CHRNA6: variants seen among roughly 807,000 people sequenced by gnomAD.
CHRNA6 encodes neuronal acetylcholine receptor subunit alpha-6.
In CHRNA6, 31 loss-of-function variants were observed where a neutral mutation model predicts 40.9. The observed-to-expected ratio is 0.76, with a 90% CI of 0.57 to 1.02. The LOEUF is 1.02. Ranked by LOEUF, CHRNA6 falls within the 50% of genes least tolerant of loss-of-function variation. CHRNA6 has a pLI of 0.00. For missense variants in CHRNA6, 546 were observed against 596.6 expected (o/e 0.92, Z 0.88); for synonymous variants, 222 against 221.3 (o/e 1.00, Z -0.03).
Position 42,756,529 on chromosome 8 carries a change from C to T in CHRNA6, c.670G>A (p.Glu224Lys). The T allele has an allele frequency of 6.2e-7, 1 of 1,614,004 alleles. No homozygotes were observed. Among genetic ancestry groups the T allele is most frequent in the Non-Finnish European group, 8.5e-7 (1 of 1,179,972 alleles). Residue 224 changes from glutamate (E) to lysine (K), a missense_variant, in exon 5 of 6, where the codon GAA becomes AAA. Physicochemically the swap from Glu to Lys is moderately conservative, Grantham distance 56 (BLOSUM62 1). Coordinates refer to ENST00000276410, the MANE Select transcript of CHRNA6 (RefSeq NM_004198.3). ...YKHDIKYNCCEEIYTDITYSF... is the reference protein window; with the variant it reads ...YKHDIKYNCCKEIYTDITYSF... ...TAGGTTATATCTGTGTATATCTCTTCACAACAGTTGTATTTGATGTCATGT... is the reference window on the plus strand; with the variant it reads ...TAGGTTATATCTGTGTATATCTCTTTACAACAGTTGTATTTGATGTCATGT...
At chr8:42,761,541 A>G (rs551597027) in intron 2 of CHRNA6, among the ~76,000 whole-genome samples, 173 of 151,898 alleles carry the variant, frequency 1.1e-3, no homozygotes, top group African/African-American at 4.1e-3. Context: ...GCAATAGCCA[A>G]CTCCACAGCC....
At position 42,767,294 on chromosome 8, in the gene CHRNA6, T is replaced by TG. The variant is rs572822996; in HGVS notation, c.79+1057dup. Among the ~76,000 whole-genome samples, 123 of 152,364 alleles carry TG rather than the reference T, an allele frequency of 8.1e-4. 1 individual carries two copies. The highest frequency in any genetic ancestry group is 2.9e-3 in the African/African-American group (119 of 41,598). On this transcript the variant is annotated intron_variant, in intron 1 of 5. Transcript: ENST00000276410. ...TTGAAACATTTTTAAAAGTTGAAAT[T>TG]GGTTCTTAAATAATAGCACTTTCAG...
chr8:42,753,912 C>A (rs1281204271), intron 5 of CHRNA6, among the ~76,000 whole-genome samples: 2 of 152,082 alleles, frequency 1.3e-5, no homozygotes, highest in African/African-American at 4.8e-5. Flanking sequence ...TCATTCTTTG[C>A]AACGGTGGGT....
At chr8:42,763,025 A>G (rs1018503445) in intron 2 of CHRNA6, among the ~76,000 whole-genome samples, 1 of 152,238 alleles carries the variant, frequency 6.6e-6, no homozygotes, top group Non-Finnish European at 1.5e-5. Flanking sequence ...GGAAAGCAGC[A>G]GCTCTTACGG....
At chr8:42,762,334 C>G (rs1403841259) in intron 2 of CHRNA6, among the ~76,000 whole-genome samples, 4 of 152,172 alleles carry the variant, frequency 2.6e-5, no homozygotes, top group Non-Finnish European at 5.9e-5. Flanking sequence ...GCTCAAATGT[C>G]CTTTAGCAAG....
At position 42,759,068 on chromosome 8, in the gene CHRNA6, C is replaced by T. The variant is rs777165676; in HGVS notation, c.264+1G>A. 11 of 1,611,592 alleles carry T rather than the reference C, an allele frequency of 6.8e-6. No homozygotes were observed. The highest frequency in any genetic ancestry group is 4.5e-5 in the East Asian group (2 of 44,882). ...AGCCAACACATGATATAGGCACATA[C>T]GTGACGCAGCCACAAATTGGTTTCC... is the stretch of plus-strand genomic sequence containing the variant. On this transcript the variant is annotated splice_donor_variant, in intron 3 of 5. Coordinates refer to ENST00000276410, the MANE Select transcript of CHRNA6 (RefSeq NM_004198.3). LOFTEE classifies it high-confidence loss of function.
At position 42,756,683 on chromosome 8, in the gene CHRNA6, A is replaced by G; in HGVS notation, c.516T>C (p.Cys172=). 1 of 1,614,182 alleles carries G rather than the reference A, an allele frequency of 6.2e-7. No individual in the cohort carries two copies. Among genetic ancestry groups the G allele is most frequent in the Non-Finnish European group, 8.5e-7 (1 of 1,180,028 alleles). ...ACGTCCAGGAACCAAATTTTAGGGA[A>G]CAGTTTTGATGATCAAAAGGGAAAA... The part of the protein sequence containing the change: ...ITFFPFDHQN[C]SLKFGSWTYD... The change falls in exon 5 of 6, where the codon TGT becomes TGC. Residue 172 remains cysteine (C), a synonymous_variant. Transcript: ENST00000276410.
chr8:42,761,552 T>G (rs1388103936), intron 2 of CHRNA6, among the ~76,000 whole-genome samples: 2 of 152,224 alleles, frequency 1.3e-5, no homozygotes, highest in African/African-American at 4.8e-5. Context: ...CTCCACAGCC[T>G]CACTTCCGCA....
chr8:42,763,794 G>C (rs1292122628), intron 2 of CHRNA6, among the ~76,000 whole-genome samples: 1 of 152,224 alleles, frequency 6.6e-6, no homozygotes, highest in African/African-American at 2.4e-5. Context: ...CACACTTTCA[G>C]CCTGGGTCAC....
At chr8:42,760,255 T>G (rs1563625372) in intron 2 of CHRNA6, among the ~76,000 whole-genome samples, 2 of 148,180 alleles carry the variant, frequency 1.3e-5, no homozygotes, top group Admixed American at 6.7e-5. Flanking sequence ...TCATGCACAC[T>G]CACACACTCA....
chr8:42,763,330 G>A (rs532835600), intron 2 of CHRNA6, among the ~76,000 whole-genome samples: 165 of 152,272 alleles, frequency 1.1e-3, no homozygotes, highest in Non-Finnish European at 1.9e-3. Context: ...CACTAACACC[G>A]TGAAACTGAC....
At chr8:42,766,229 A>G (rs1816973465) in intron 1 of CHRNA6, among the ~76,000 whole-genome samples, 1 of 152,220 alleles carries the variant, frequency 6.6e-6, no homozygotes, top group Non-Finnish European at 1.5e-5. Flanking sequence ...GCGGTGGCTC[A>G]CGCCTGTAAT....
At position 42,767,466 on chromosome 8, in the gene CHRNA6, T is replaced by A. The variant is rs573727412; in HGVS notation, c.79+886A>T. On this transcript the variant is annotated intron_variant, in intron 1 of 5. Transcript: ENST00000276410. ...TTCCTCACAGAATTTAAATTTGATA[T>A]CTAACATAGGACTCCACAAATTTCT... Among the ~76,000 whole-genome samples the A allele has an allele frequency of 2.6e-5, 4 of 152,254 alleles. No homozygotes were observed. The East Asian group carries it at 5.8e-4, about 22-fold the overall frequency.
At chr8:42,766,121 T>C (rs1316126334) in intron 1 of CHRNA6, among the ~76,000 whole-genome samples, 3 of 152,208 alleles carry the variant, frequency 2.0e-5, no homozygotes, top group African/African-American at 7.2e-5. Flanking sequence ...TGCATGCGTA[T>C]GTTCACTGCA....
rs201110736 is a variant in CHRNA6 at position 42,756,014 on chromosome 8, G to A, written c.1185C>T (p.Cys395=). 4 of 1,614,260 alleles carry A rather than the reference G, an allele frequency of 2.5e-6. No individual in the cohort carries two copies. The highest frequency in any genetic ancestry group is 3.4e-6 in the Non-Finnish European group (4 of 1,180,048). The change falls in exon 5 of 6, where the codon TGC becomes TGT. Residue 395 remains cysteine, a synonymous_variant. Transcript: ENST00000276410. ...SHGEPRHLKE[C]FHCHKSNELA... ...GCTCATTTGATTTGTGACAATGGAA[G>A]CATTCTTTAAGATGTCTGGGTTCCC... is the stretch of plus-strand genomic sequence containing the variant.
intron 5 of CHRNA6, 28 bp from the exon 6 acceptor site, chr8:42,753,338 G>A (rs1002180317): frequency 1.3e-6 from 2 of 1,589,614 alleles, no homozygotes; most frequent in Non-Finnish European, 1.7e-6. Flanking sequence ...ATTAAGAGCT[G>A]TTTTAAAAAA....
chr8:42,768,497 A>G lies in CHRNA6; in HGVS notation c.-67T>C. On this transcript the variant is annotated 5_prime_UTR_variant, in exon 1 of 6. An upstream open reading frame in the 5' UTR loses its in-frame stop. Transcript: ENST00000276410. ...TGTGGAAAACAAAGAGCTATCAGTC[A>G]GCCACATGCATCCAACCTTGACATC... The G allele has an allele frequency of 8.3e-7, 1 of 1,204,808 alleles. No individual in the cohort carries two copies. Among genetic ancestry groups the G allele is most frequent in the Admixed American group, 1.7e-5 (1 of 58,044 alleles). The allele number at this position is 1,204,808 out of a possible 1,614,324, so 74.6% of individuals were successfully genotyped here. A position where few individuals can be genotyped will look rare whatever the true frequency, so the allele number is the denominator to read the frequency against.
chr8:42,766,776 G>A (rs925096055), intron 1 of CHRNA6, among the ~76,000 whole-genome samples: 11 of 152,176 alleles, frequency 7.2e-5, no homozygotes, highest in African/African-American at 2.7e-4. Context: ...AAAAATACCT[G>A]ATGCATGCTG....
At chr8:42,765,251 G>C (rs1239420703) in intron 1 of CHRNA6, 47 bp from the exon 2 acceptor site, 2 of 1,599,678 alleles carry the variant, frequency 1.3e-6, no homozygotes. Context: ...CCGGCCACTG[G>C]CCACTGCAGC....
Sources: allele counts gnomAD v4.1 joint callset (sites outside exome capture counted in the v4.1 genomes callset), GRCh38; gene constraint gnomAD v4.1.1; transcripts MANE v1.5; gene names NCBI Gene and HGNC (gene_info 2026-07-23, HGNC 2026-07-21).